The following CERS6 variants were observed in gnomAD, a reference collection of about 807,000 sequenced individuals.
CERS6 encodes the protein ceramide synthase 6, also known as LAG1 homolog, ceramide synthase 6.
CERS6 carries 26 observed loss-of-function variants against 56.8 expected under a neutral mutation model. The ratio of observed to expected loss-of-function variants is 0.46; its 90% CI spans 0.34 to 0.63. The LOEUF (loss-of-function observed/expected upper bound fraction) is 0.63. CERS6 is among the 30% of genes least tolerant of loss of function. The probability of loss-of-function intolerance (pLI) is 0.01; values close to 1 mark genes in which losing one functional copy is unlikely to be tolerated. For missense variants in CERS6, 415 were observed against 467.5 expected, an observed-to-expected ratio of 0.89 and a Z score of 1.04; for synonymous variants, 164 against 173.3, an observed-to-expected ratio of 0.95 and a Z score of 0.42.
At chr2:168,520,475 T>G (rs889659669) in intron 1 of CERS6, among the ~76,000 whole-genome samples, 1 of 152,076 alleles carries the variant, frequency 6.6e-6, no homozygotes, top group African/African-American at 2.4e-5. Flanking sequence ...TGCGTTTGCT[T>G]TTGAAGACTT....
At chr2:168,556,813 A>G (rs1184088316) in intron 2 of CERS6, among the ~76,000 whole-genome samples, 2 of 152,038 alleles carry the variant, frequency 1.3e-5, no homozygotes, top group Admixed American at 6.6e-5. Context: ...CAAAGTTAAT[A>G]ACCAGAAACC....
At chr2:168,715,341 A>G (rs568908651) in intron 7 of CERS6, among the ~76,000 whole-genome samples, 1 of 152,168 alleles carries the variant, frequency 6.6e-6, no homozygotes, top group Admixed American at 6.5e-5. Context: ...AGTTGTTAAT[A>G]AAATGCTGAA....
chr2:168,641,769 T>G (rs534038244), intron 4 of CERS6, among the ~76,000 whole-genome samples: 2 of 152,272 alleles, frequency 1.3e-5, no homozygotes, highest in Admixed American at 6.5e-5. Context: ...GTCTGAGTGC[T>G]TTCATATCAA....
chr2:168,760,004 T>C (rs1366969087), intron 8 of CERS6, among the ~76,000 whole-genome samples: 2 of 152,052 alleles, frequency 1.3e-5, no homozygotes, highest in African/African-American at 2.4e-5. Flanking sequence ...AAATCTTTAG[T>C]ATATGGCTCG....
intron 3 of CERS6, among the ~76,000 whole-genome samples, chr2:168,603,048 T>G (rs1000203163): frequency 6.6e-6 from 1 of 152,246 alleles, no homozygotes; most frequent in African/African-American, 2.4e-5. Context: ...AACAATGATC[T>G]TTCATTCCAT....
At chr2:168,630,523 T>A (rs920833787) in intron 3 of CERS6, among the ~76,000 whole-genome samples, 1 of 152,176 alleles carries the variant, frequency 6.6e-6, no homozygotes, top group African/African-American at 2.4e-5. Context: ...TCCACAAAGA[T>A]GTTGATATAG....
intron 1 of CERS6, among the ~76,000 whole-genome samples, chr2:168,502,704 T>C (rs1694606397): frequency 6.6e-6 from 1 of 152,216 alleles, no homozygotes; most frequent in Non-Finnish European, 1.5e-5. Flanking sequence ...TATATAAATA[T>C]TAGCCATTTT....
intron 1 of CERS6, among the ~76,000 whole-genome samples, chr2:168,521,609 A>C (rs535360412): frequency 6.6e-6 from 1 of 152,204 alleles, no homozygotes; most frequent in Non-Finnish European, 1.5e-5. Context: ...GAAATGAGGC[A>C]CTTCCAGACA....
chr2:168,605,584 C>T (rs1304881555), intron 3 of CERS6, among the ~76,000 whole-genome samples: 2 of 152,158 alleles, frequency 1.3e-5, no homozygotes, highest in Non-Finnish European at 2.9e-5. Flanking sequence ...GCATTCATGG[C>T]ACCCCCTCCC....
chr2:168,460,017 C>T (rs1371329686), intron 1 of CERS6, among the ~76,000 whole-genome samples: 2 of 152,082 alleles, frequency 1.3e-5, no homozygotes, highest in Non-Finnish European at 2.9e-5. Flanking sequence ...TCAAAACTTA[C>T]ACTGGGGCAG....
intron 1 of CERS6, among the ~76,000 whole-genome samples, chr2:168,487,159 G>A (rs1318110721): frequency 6.6e-6 from 1 of 152,158 alleles, no homozygotes; most frequent in African/African-American, 2.4e-5. Context: ...AGGTGAGGAA[G>A]GGTATTGATG....
chr2:168,540,448 A>G (rs1380655468), intron 1 of CERS6, among the ~76,000 whole-genome samples: 6 of 152,218 alleles, frequency 3.9e-5, no homozygotes, highest in Admixed American at 3.3e-4. Flanking sequence ...ATGTTTAGAT[A>G]CACAAGTACC....
chr2:168,616,731 T>C (rs1456165059), intron 3 of CERS6, among the ~76,000 whole-genome samples: 2 of 152,230 alleles, frequency 1.3e-5, no homozygotes, highest in Non-Finnish European at 2.9e-5. Context: ...CTCCCAAATT[T>C]ATAAACAGTT....
chr2:168,730,034 A>C (rs529350616), intron 8 of CERS6, among the ~76,000 whole-genome samples: 84 of 152,354 alleles, frequency 5.5e-4, no homozygotes, highest in Non-Finnish European at 1.0e-3. Context: ...TTTCCCCTGC[A>C]GTTTGGCACA....
At chr2:168,600,435 AC>A (rs1683907453) in intron 3 of CERS6, among the ~76,000 whole-genome samples, 1 of 151,954 alleles carries the variant, frequency 6.6e-6, no homozygotes, top group Admixed American at 6.6e-5. Context: ...CGATCTCCTG[AC>A]CTAATGATCT....
In CERS6 at chr2:168,608,267, T is replaced by C. The variant is rs534704654; in HGVS notation, c.408-22718T>C. Among the ~76,000 whole-genome samples the C allele has an allele frequency of 2.6e-5, 4 of 152,320 alleles. No homozygotes were observed. The Middle Eastern group carries it at 0.01, about 389-fold the overall frequency. The stretch of plus-strand genomic sequence containing the variant: ...CCTCACTTTGTTTATCCATTCACCA[T>C]TGAGTGGGTATTTTTCATTGTCTTT... On this transcript the variant is annotated intron_variant, in intron 3 of 9. Transcript: ENST00000305747.
chr2:168,758,981 T>C (rs928772463), intron 8 of CERS6, among the ~76,000 whole-genome samples: 4 of 152,186 alleles, frequency 2.6e-5, no homozygotes, highest in Non-Finnish European at 4.4e-5. Context: ...TCTGCATGAA[T>C]GTATGCATCC....
At chr2:168,523,053 T>C (rs1695009961) in intron 1 of CERS6, among the ~76,000 whole-genome samples, 1 of 152,234 alleles carries the variant, frequency 6.6e-6, no homozygotes, top group Non-Finnish European at 1.5e-5. Flanking sequence ...ACCTGATTGA[T>C]ACTGACTAGG....
chr2:168,640,343 G>A (rs571116772), intron 4 of CERS6, among the ~76,000 whole-genome samples: 4 of 152,338 alleles, frequency 2.6e-5, no homozygotes, highest in Non-Finnish European at 4.4e-5. Flanking sequence ...AAGCATTCAA[G>A]TAGGAAAAGC....
Sources: gnomAD v4.1 joint callset for allele counts (sites outside exome capture counted in the v4.1 genomes callset) on GRCh38, gnomAD v4.1.1 for gene constraint, MANE v1.5 for transcripts, NCBI Gene and HGNC (gene_info 2026-07-23, HGNC 2026-07-21) for gene names.